The following GBE1 variants were observed in gnomAD, a reference collection of about 807,000 sequenced individuals.
The protein encoded by GBE1 is 1,4-alpha-glucan branching enzyme 1.
A neutral mutation model predicts 88.8 loss-of-function variants in GBE1; 70 were observed. The ratio of observed to expected loss-of-function variants is 0.79; its 90% CI spans 0.65 to 0.96. The LOEUF is 0.96. GBE1 is among the 40% of genes least tolerant of loss of function. GBE1 has a pLI of 0.00. For synonymous variants in GBE1, 284 were observed against 300.1 expected (o/e 0.95, Z 0.56); for missense variants, 872 against 871.0 (o/e 1.00, Z -0.01).
At chr3:81,611,934 T>C (rs1425633839) in intron 7 of GBE1, among the ~76,000 whole-genome samples, 1 of 152,094 alleles carries the variant, frequency 6.6e-6, no homozygotes, top group African/African-American at 2.4e-5. Flanking sequence ...CAGGATATAC[T>C]GAAGAAACAC....
At chr3:81,750,669 A>ACACG (rs1183048841) in intron 1 of GBE1, among the ~76,000 whole-genome samples, 3 of 80,124 alleles carry the variant, frequency 3.7e-5, no homozygotes, top group African/African-American at 2.4e-4. Flanking sequence ...GTATATATAT[A>ACACG]TATACGTATA....
intron 5 of GBE1, among the ~76,000 whole-genome samples, chr3:81,647,671 A>G (rs1427157220): frequency 6.6e-6 from 1 of 152,158 alleles, no homozygotes; most frequent in Non-Finnish European, 1.5e-5. Context: ...CAATTCATAT[A>G]AGCTTTATAA....
intron 1 of GBE1, among the ~76,000 whole-genome samples, chr3:81,742,059 T>G (rs1475886893): frequency 1.3e-5 from 2 of 151,810 alleles, no homozygotes; most frequent in East Asian, 3.9e-4. Context: ...TTTGCCAGAC[T>G]TCCCCCCATT....
At chr3:81,756,548 T>TG (rs1016716302) in intron 1 of GBE1, among the ~76,000 whole-genome samples, 1 of 152,054 alleles carries the variant, frequency 6.6e-6, no homozygotes, top group African/African-American at 2.4e-5. Flanking sequence ...AACAATCTAG[T>TG]GGGGGATACA....
Position 81,634,228 on chromosome 3 carries a change from T to A in GBE1, c.992+8553A>T, listed in dbSNP as rs141409338. On this transcript the variant is annotated intron_variant, in intron 7 of 15. Transcript: ENST00000429644. ...CTTTCCATGATATTCTATATTCTAG[T>A]TGTTGCACATTTTCAATCGTATTAT... Among the ~76,000 whole-genome samples, 612 of 152,334 alleles carry A rather than the reference T, an allele frequency of 4.0e-3. 5 individuals carry two copies. The highest frequency in any genetic ancestry group is 0.014 in the African/African-American group (570 of 41,574).
chr3:81,736,514 C>T (rs1396755852), intron 1 of GBE1, among the ~76,000 whole-genome samples: 1 of 152,154 alleles, frequency 6.6e-6, no homozygotes, highest in African/African-American at 2.4e-5. Flanking sequence ...AGAATTCAAC[C>T]CCACAAGTTA....
intron 7 of GBE1, among the ~76,000 whole-genome samples, chr3:81,638,758 T>G (rs1306196048): frequency 6.6e-6 from 1 of 152,172 alleles, no homozygotes; most frequent in Non-Finnish European, 1.5e-5. Context: ...GGATCTCTGG[T>G]ATTACTCAGA....
intron 12 of GBE1, among the ~76,000 whole-genome samples, chr3:81,550,896 C>G (rs1413636926): frequency 6.6e-6 from 1 of 152,148 alleles, no homozygotes; most frequent in Non-Finnish European, 1.5e-5. Context: ...ATGGAGTAGC[C>G]ATTCGTTCAT....
At chr3:81,592,393 A>G (rs941174772) in intron 8 of GBE1, among the ~76,000 whole-genome samples, 2 of 148,928 alleles carry the variant, frequency 1.3e-5, no homozygotes, top group Non-Finnish European at 3.0e-5. Context: ...ATAGAATACT[A>G]TGAGTCCAAC....
intron 12 of GBE1, among the ~76,000 whole-genome samples, chr3:81,562,866 C>CT (rs559665731): frequency 1.3e-3 from 185 of 143,394 alleles, no homozygotes; most frequent in Middle Eastern, 3.6e-3. Flanking sequence ...TCACTTTCAT[C>CT]TTTTTTTTTT....
intron 1 of GBE1, among the ~76,000 whole-genome samples, chr3:81,738,656 A>C (rs1359232096): frequency 6.6e-6 from 1 of 152,170 alleles, no homozygotes; most frequent in East Asian, 1.9e-4. Flanking sequence ...CCTGGAATGT[A>C]ATTCCTTGGG....
chr3:81,595,370 T>C (rs1187771026), intron 7 of GBE1, among the ~76,000 whole-genome samples: 1 of 151,824 alleles, frequency 6.6e-6, no homozygotes, highest in Non-Finnish European at 1.5e-5. Flanking sequence ...TTCATTACCA[T>C]ATTGTTTATA....
At chr3:81,690,616 A>G (rs1480193437) in intron 2 of GBE1, among the ~76,000 whole-genome samples, 1 of 152,208 alleles carries the variant, frequency 6.6e-6, no homozygotes, top group East Asian at 1.9e-4. Context: ...ATTAGCACTT[A>G]TCCTAACAGA....
At chr3:81,596,793 C>A (rs550438750) in intron 7 of GBE1, among the ~76,000 whole-genome samples, 5 of 152,030 alleles carry the variant, frequency 3.3e-5, no homozygotes, top group African/African-American at 1.2e-4. Context: ...GCACCCTACC[C>A]TCCAGCAGTC....
At chr3:81,599,910 T>A (rs769078078) in intron 7 of GBE1, among the ~76,000 whole-genome samples, 10 of 152,198 alleles carry the variant, frequency 6.6e-5, no homozygotes, top group Non-Finnish European at 1.2e-4. Flanking sequence ...TTTGGAAACA[T>A]TAACAATTCA....
In GBE1 at chr3:81,499,273, C is replaced by T. The variant is rs1295589377; in HGVS notation, c.1935-46G>A. On this transcript the variant is annotated intron_variant, in intron 14 of 15. Transcript: ENST00000429644. ...ACAACAGTTGAGGAGTTGAATGAGACATTGTAAAATACGTGCTGAGAGAGC... is the reference window on the plus strand; with the variant it reads ...ACAACAGTTGAGGAGTTGAATGAGATATTGTAAAATACGTGCTGAGAGAGC... 15 of 1,137,234 alleles carry T rather than the reference C, an allele frequency of 1.3e-5. No homozygotes were observed. The East Asian group carries it at 3.6e-4, about 28-fold the overall frequency. The allele number at this position is 1,137,234 out of a possible 1,614,324, so 70.4% of individuals were successfully genotyped here.
At chr3:81,554,860 C>T (rs974149005) in intron 12 of GBE1, among the ~76,000 whole-genome samples, 2 of 152,142 alleles carry the variant, frequency 1.3e-5, no homozygotes, top group Admixed American at 6.6e-5. Context: ...AGCTCTAACT[C>T]CCCAAGTAGA....
Position 81,490,209 on chromosome 3 carries a change from T to C in GBE1, c.*198A>G, listed in dbSNP as rs1042236535. ...ACTTGAAAATATGGTCTAGGATTCC[T>C]AATATTTTAAACATATTCTCCCATC... is the stretch of plus-strand genomic sequence containing the variant. On this transcript the variant is annotated 3_prime_UTR_variant, in exon 16 of 16. Coordinates refer to ENST00000429644, the MANE Select transcript of GBE1 (RefSeq NM_000158.4). 1.1e-5 allele frequency: 6 copies of C among 555,982 alleles called. No individual in the cohort carries two copies. The African/African-American group carries it at 1.2e-4, about 11-fold the overall frequency. 34.4% of individuals were successfully genotyped at this position (555,982 alleles called of 1,614,324 possible). A position where few individuals can be genotyped will look rare whatever the true frequency, so the allele number is the denominator to read the frequency against.
At chr3:81,512,488 T>A (rs1702738989) in intron 14 of GBE1, among the ~76,000 whole-genome samples, 1 of 151,824 alleles carries the variant, frequency 6.6e-6, no homozygotes, top group Middle Eastern at 3.2e-3. Flanking sequence ...CAGAAAAACA[T>A]TTAGTCAAAG....
Sources: allele counts gnomAD v4.1 joint callset (sites outside exome capture counted in the v4.1 genomes callset), GRCh38; gene constraint gnomAD v4.1.1; transcripts MANE v1.5; gene names NCBI Gene and HGNC (gene_info 2026-07-23, HGNC 2026-07-21).